EXOC4: variants seen among roughly 807,000 people sequenced by gnomAD.
EXOC4 encodes the protein exocyst complex component 4, also known as SEC8-like 1.
Under a neutral mutation model 107.2 loss-of-function variants are expected in EXOC4, and 71 were observed. That is an observed-to-expected ratio of 0.66 (90% CI 0.55 to 0.81). The LOEUF is 0.81. Ranked by LOEUF, EXOC4 falls within the 30% of genes least tolerant of loss-of-function variation. The probability of loss-of-function intolerance (pLI) is 0.00; values close to 1 mark genes in which losing one functional copy is unlikely to be tolerated. For missense variants in EXOC4, 1,108 were observed against 1,189.6 expected (o/e 0.93, Z 1.01); for synonymous variants, 456 against 441.2 (o/e 1.03, Z -0.42).
intron 7 of EXOC4, among the ~76,000 whole-genome samples, chr7:133,453,396 G>T (rs1232228019): frequency 6.6e-6 from 1 of 152,118 alleles, no homozygotes; most frequent in Admixed American, 6.5e-5. Context: ...AGTATCAAAA[G>T]AAATCTTACA....
intron 9 of EXOC4, among the ~76,000 whole-genome samples, chr7:133,575,799 T>C (rs1275019184): frequency 6.6e-6 from 1 of 152,198 alleles, no homozygotes; most frequent in African/African-American, 2.4e-5. Flanking sequence ...CTTTCTTTTC[T>C]TCATCTCCAG....
intron 10 of EXOC4, among the ~76,000 whole-genome samples, chr7:133,726,864 A>G (rs537045481): frequency 1.1e-4 from 17 of 152,194 alleles, no homozygotes; most frequent in Admixed American, 5.9e-4. Flanking sequence ...GCATGACACC[A>G]TAGTGGAATG....
intron 10 of EXOC4, among the ~76,000 whole-genome samples, chr7:133,790,578 G>T (rs970574317): frequency 1.3e-5 from 2 of 152,230 alleles, no homozygotes; most frequent in Non-Finnish European, 2.9e-5. Flanking sequence ...TATTTTGTGG[G>T]TGACCACATG....
the EXOC4 span, among the ~76,000 whole-genome samples, chr7:134,089,657 A>G: frequency 6.6e-6 from 1 of 151,826 alleles, no homozygotes. Context: ...ATTCCCTGCT[A>G]TGGGAATTGC....
intron 11 of EXOC4, among the ~76,000 whole-genome samples, chr7:133,883,284 C>T (rs893368550): frequency 6.6e-6 from 1 of 150,416 alleles, no homozygotes; most frequent in African/African-American, 2.4e-5. Context: ...ATTTCTTTGC[C>T]CACTTTGCCC....
intron 7 of EXOC4, among the ~76,000 whole-genome samples, chr7:133,401,689 T>C (rs1242132908): frequency 6.6e-6 from 1 of 151,640 alleles, no homozygotes; most frequent in African/African-American, 2.4e-5. Flanking sequence ...ATCATCACTC[T>C]GAATCTTTTC....
chr7:133,408,238 A>G (rs1430592658), intron 7 of EXOC4, among the ~76,000 whole-genome samples: 1 of 123,396 alleles, frequency 8.1e-6, no homozygotes, highest in East Asian at 2.8e-4. Flanking sequence ...TGGGGAGGGA[A>G]TGATGTTGGT....
chr7:133,590,490 C>T (rs1271485988), intron 9 of EXOC4, among the ~76,000 whole-genome samples: 1 of 152,096 alleles, frequency 6.6e-6, no homozygotes, highest in African/African-American at 2.4e-5. Context: ...GCTGCCCTTT[C>T]TAAAATTACC....
At chr7:133,425,368 A>G (rs1030319668) in intron 7 of EXOC4, among the ~76,000 whole-genome samples, 1 of 152,010 alleles carries the variant, frequency 6.6e-6, no homozygotes, top group African/African-American at 2.4e-5. Flanking sequence ...GCTCACTGCA[A>G]CCTCTGCCTA....
chr7:133,649,008 G>A (rs1398075599), intron 10 of EXOC4, among the ~76,000 whole-genome samples: 2 of 152,134 alleles, frequency 1.3e-5, no homozygotes, highest in East Asian at 1.9e-4. Context: ...TGAAGCTTGA[G>A]TAGACTTTTT....
At chr7:133,693,146 G>A (rs1214075764) in intron 10 of EXOC4, among the ~76,000 whole-genome samples, 1 of 152,162 alleles carries the variant, frequency 6.6e-6, no homozygotes, top group African/African-American at 2.4e-5. Context: ...TGAGGAGCAA[G>A]GAAGCCAGTC....
chr7:133,451,537 T>C (rs985885087), intron 7 of EXOC4, among the ~76,000 whole-genome samples: 1 of 152,190 alleles, frequency 6.6e-6, no homozygotes, highest in African/African-American at 2.4e-5. Flanking sequence ...TATTCCTGAA[T>C]GAATTTTTTT....
At chr7:133,862,298 C>A (rs1383981727) in intron 11 of EXOC4, among the ~76,000 whole-genome samples, 1 of 151,856 alleles carries the variant, frequency 6.6e-6, no homozygotes, top group African/African-American at 2.4e-5. Context: ...ACTAGCCTGG[C>A]CAACATGGTG....
intron 11 of EXOC4, among the ~76,000 whole-genome samples, chr7:133,881,179 G>A (rs1051447971): frequency 1.3e-5 from 2 of 152,034 alleles, no homozygotes; most frequent in Non-Finnish European, 2.9e-5. Flanking sequence ...CTCTGTGTGT[G>A]TATGTATGTA....
chr7:133,519,964 AC>A (rs1417005495), intron 9 of EXOC4, among the ~76,000 whole-genome samples: 10 of 152,214 alleles, frequency 6.6e-5, no homozygotes, highest in Admixed American at 5.2e-4. Flanking sequence ...AAAATTAATT[AC>A]AGATAGCTAA....
rs369936682 is a variant in EXOC4 at position 133,788,534 on chromosome 7, A to G, written c.1515-28791A>G. ...GAGACAGAGTATTGGTCTGTCACCC[A>G]GGCTGGAGAGTACAGTGGTGTGATC... On this transcript the variant is annotated intron_variant, in intron 10 of 17. Coordinates refer to ENST00000253861, the MANE Select transcript of EXOC4 (RefSeq NM_021807.4). Among the ~76,000 whole-genome samples, 32 of 152,116 alleles carry G rather than the reference A, an allele frequency of 2.1e-4. 1 individual carries two copies. The East Asian group carries it at 6.0e-3, about 29-fold the overall frequency.
chr7:134,076,958 A>G, the EXOC4 span, among the ~76,000 whole-genome samples: 53 of 148,822 alleles, frequency 3.6e-4, no homozygotes, highest in African/African-American at 1.3e-3. Flanking sequence ...GGATCTGCAT[A>G]TGTGTGTGTG....
intron 10 of EXOC4, among the ~76,000 whole-genome samples, chr7:133,773,865 T>C (rs1408673639): frequency 6.6e-6 from 1 of 152,008 alleles, no homozygotes; most frequent in Non-Finnish European, 1.5e-5. Flanking sequence ...GTAGAAGACA[T>C]GTTTGAGATT....
In EXOC4 at chr7:133,924,980, G is replaced by A. The variant is rs189865028; in HGVS notation, c.2027+7242G>A. ...ACATTCTCTATCCCAATTAGAAGTC[G>A]AAAGCAAAGTTAAGTAGAAGAGGAC... On this transcript the variant is annotated intron_variant, in intron 13 of 17. Coordinates refer to ENST00000253861, the MANE Select transcript of EXOC4 (RefSeq NM_021807.4). Among the ~76,000 whole-genome samples the A allele has an allele frequency of 2.7e-3, 413 of 152,284 alleles. 1 individual carries two copies. Among genetic ancestry groups the A allele is most frequent in the Non-Finnish European group, 3.5e-3 (237 of 68,012 alleles).
Sources: gnomAD v4.1 joint callset for allele counts (sites outside exome capture counted in the v4.1 genomes callset) on GRCh38, gnomAD v4.1.1 for gene constraint, MANE v1.5 for transcripts, NCBI Gene and HGNC (gene_info 2026-07-23, HGNC 2026-07-21) for gene names.